SLC28A3: variants seen among roughly 807,000 people sequenced by gnomAD.
SLC28A3 encodes the protein solute carrier family 28 member 3.
A neutral mutation model predicts 84.2 loss-of-function variants in SLC28A3; 68 were observed. That is an observed-to-expected ratio of 0.81 (90% confidence interval 0.66 to 0.99). The LOEUF is 0.99. SLC28A3 is among the 50% of genes least tolerant of loss of function. SLC28A3 has a pLI of 0.00. For synonymous variants in SLC28A3, 267 were observed against 303.6 expected, an observed-to-expected ratio of 0.88 and a Z score of 1.25; for missense variants, 712 against 841.5, an observed-to-expected ratio of 0.85 and a Z score of 1.90.
rs1381161592 is a variant in SLC28A3 at position 84,280,023 on chromosome 9, C to T, written c.1780G>A (p.Ala594Thr). The change falls in exon 16 of 18, where the codon GCT (alanine) becomes ACT (threonine). Residue 594 changes from alanine (A) to threonine (T), a missense_variant. Transcript: ENST00000376238. ...KRDIASGAVR[A>T]LIAGTVACFM... ...CAGGCCACGGTCCCCGCAATCAGAG[C>T]TCTCACTGCCCCCGAGGCGATATCA... The T allele has an allele frequency of 3.1e-6, 5 of 1,614,030 alleles. No individual in the cohort carries two copies. In the Admixed American group the frequency reaches 5.0e-5, roughly 16 times the overall value.
At chr9:84,308,420 C>G (rs1825874667) in intron 3 of SLC28A3, among the ~76,000 whole-genome samples, 1 of 151,996 alleles carries the variant, frequency 6.6e-6, no homozygotes, top group Non-Finnish European at 1.5e-5. Context: ...ATGGTGCATG[C>G]CTGTAATCCC....
chr9:84,367,692 G>A, the SLC28A3 span, among the ~76,000 whole-genome samples: 3 of 152,140 alleles, frequency 2.0e-5, no homozygotes, highest in African/African-American at 7.2e-5. Context: ...ATGGGGAGAA[G>A]GTCAGCAGGA....
intron 1 of SLC28A3, among the ~76,000 whole-genome samples, chr9:84,333,447 T>TTTAA (rs1247069083): frequency 6.6e-6 from 1 of 152,198 alleles, no homozygotes; most frequent in African/African-American, 2.4e-5. Flanking sequence ...GGTCCCAAAA[T>TTTAA]TTAATTTCCT....
chr9:84,329,935 T>C lies in SLC28A3; in HGVS notation c.60+10639A>G, dbSNP rs1264850805. ...TTATGAATATCGCTAAAGCAGTGCT[T>C]ACAGGGAATTTTATAATTGTAATTG... is the stretch of plus-strand genomic sequence containing the variant. On this transcript the variant is annotated intron_variant, in intron 1 of 17. Transcript: ENST00000376238. Among the ~76,000 whole-genome samples the C allele has an allele frequency of 6.6e-5, 10 of 152,238 alleles. No homozygotes were observed. In the East Asian group the frequency reaches 1.9e-3, roughly 29 times the overall value.
chr9:84,297,846 G>A lies in SLC28A3; in HGVS notation c.783+60C>T, dbSNP rs189244200. On this transcript the variant is annotated intron_variant, in intron 7 of 17. Coordinates refer to ENST00000376238, the MANE Select transcript of SLC28A3 (RefSeq NM_001199633.2). ...TAAACCCATTTCTGACACGTCTTGA[G>A]GATTACCTCCAATGTTAAAAGCACC... 1.7e-5 allele frequency: 23 copies of A among 1,387,616 alleles called. 2 individuals are homozygous for A. The Admixed American group carries it at 4.8e-4, about 29-fold the overall frequency. The allele number at this position is 1,387,616 out of a possible 1,614,324, so 86.0% of individuals were successfully genotyped here.
chr9:84,314,599 A>G lies in SLC28A3; in HGVS notation c.61-1145T>C, dbSNP rs541848960. Among the ~76,000 whole-genome samples, 16 of 145,918 alleles carry G rather than the reference A, an allele frequency of 1.1e-4. No individual in the cohort carries two copies. The East Asian group carries it at 2.4e-3, about 22-fold the overall frequency. ...AAACACAAGAATGAATAAACATGAA[A>G]AAAAAGTTACAGTACAAGATTCATG... On this transcript the variant is annotated intron_variant, in intron 1 of 17. Coordinates refer to ENST00000376238, the MANE Select transcript of SLC28A3 (RefSeq NM_001199633.2).
chr9:84,340,791 G>T, upstream of SLC28A3: 1 of 691,144 alleles, frequency 1.4e-6, no homozygotes, highest in Non-Finnish European at 2.4e-6. Flanking sequence ...TGAATGACTA[G>T]GGCTGACACC....
At chr9:84,285,757 C>T (rs936504406) in intron 13 of SLC28A3, among the ~76,000 whole-genome samples, 186 bp downstream of exon 13, 4 of 151,568 alleles carry the variant, frequency 2.6e-5, no homozygotes, top group African/African-American at 4.9e-5. Context: ...GACTGACTGT[C>T]GTTGTGGGGA....
intron 1 of SLC28A3, among the ~76,000 whole-genome samples, chr9:84,327,499 C>A (rs1389453819): frequency 2.0e-5 from 3 of 152,076 alleles, no homozygotes; most frequent in Admixed American, 2.0e-4. Flanking sequence ...TCATGATAGC[C>A]TCAACAACCC....
the SLC28A3 span, among the ~76,000 whole-genome samples, chr9:84,354,372 C>T: frequency 6.6e-6 from 1 of 152,176 alleles, no homozygotes; most frequent in Admixed American, 6.5e-5. Flanking sequence ...AATACCATCC[C>T]CCCTGAAAGG....
chr9:84,341,918 C>T (rs1827166888), upstream of SLC28A3, among the ~76,000 whole-genome samples: 1 of 151,968 alleles, frequency 6.6e-6, no homozygotes, highest in Admixed American at 6.6e-5. Flanking sequence ...CACTTTAGGC[C>T]AGGAGTTCAA....
At chr9:84,339,703 C>T (rs982364139) in intron 1 of SLC28A3, among the ~76,000 whole-genome samples, 21 of 152,176 alleles carry the variant, frequency 1.4e-4, no homozygotes, top group Non-Finnish European at 2.1e-4. Context: ...AGTGGTAACC[C>T]GATGCCTACT....
intron 1 of SLC28A3, among the ~76,000 whole-genome samples, chr9:84,329,319 T>C (rs1826687410): frequency 6.6e-6 from 1 of 152,192 alleles, no homozygotes. Context: ...ACTAGAGAGA[T>C]GGTCAGTAAG....
chr9:84,363,712 C>G, the SLC28A3 span, among the ~76,000 whole-genome samples: 2 of 152,248 alleles, frequency 1.3e-5, no homozygotes, highest in East Asian at 1.9e-4. Flanking sequence ...AGTTGGGATA[C>G]CCATGTCCCA....
At chr9:84,313,300 G>T (rs941419574) in intron 2 of SLC28A3, 59 bp downstream of exon 2, 2 of 1,465,312 alleles carry the variant, frequency 1.4e-6, no homozygotes, top group Non-Finnish European at 1.9e-6. Context: ...CTGTTCTCAG[G>T]TGCCTGTTGC....
intron 1 of SLC28A3, among the ~76,000 whole-genome samples, chr9:84,327,368 A>G (rs2118553480): frequency 6.6e-6 from 1 of 152,094 alleles, no homozygotes; most frequent in Non-Finnish European, 1.5e-5. Context: ...ACCGAAAAAA[A>G]AAAAAAAAAA....
At chr9:84,318,185 A>G (rs1826238025) in intron 1 of SLC28A3, among the ~76,000 whole-genome samples, 1 of 152,188 alleles carries the variant, frequency 6.6e-6, no homozygotes, top group African/African-American at 2.4e-5. Flanking sequence ...TAGCTAGACC[A>G]TTCCCCAGAG....
chr9:84,361,308 G>C, the SLC28A3 span, among the ~76,000 whole-genome samples: 8 of 152,172 alleles, frequency 5.3e-5, no homozygotes, highest in Non-Finnish European at 1.0e-4. Flanking sequence ...TCGCGCCATT[G>C]CACTCCGGCC....
chr9:84,283,354 A>G (rs769010810), intron 14 of SLC28A3, among the ~76,000 whole-genome samples: 2 of 152,262 alleles, frequency 1.3e-5, no homozygotes, highest in Admixed American at 6.5e-5. Flanking sequence ...AACACTATCT[A>G]TCTCTGATAG....
Sources: gnomAD v4.1 joint callset for allele counts (sites outside exome capture counted in the v4.1 genomes callset) on GRCh38, gnomAD v4.1.1 for gene constraint, MANE v1.5 for transcripts, NCBI Gene and HGNC (gene_info 2026-07-23, HGNC 2026-07-21) for gene names.